Variants in GALNT13 observed in about 807,000 individuals in gnomAD.
The protein encoded by GALNT13 is polypeptide N-acetylgalactosaminyltransferase 13, also known as UDP-GalNAc:polypeptide N-acetylgalactosaminyltransferase 13.
In GALNT13, 28 loss-of-function variants were observed where a neutral mutation model predicts 64.2. The ratio of observed to expected loss-of-function variants is 0.44; its 90% CI spans 0.32 to 0.60. The LOEUF (loss-of-function observed/expected upper bound fraction) is 0.60, where lower values mean the gene tolerates loss of function less well. GALNT13 is among the 20% of genes least tolerant of loss of function. GALNT13 has a pLI of 0.05. For synonymous variants in GALNT13, 214 were observed against 224.6 expected (o/e 0.95, Z 0.42); for missense variants, 577 against 669.8 (o/e 0.86, Z 1.53).
intron 3 of GALNT13, among the ~76,000 whole-genome samples, chr2:154,079,104 G>T (rs1055376893): frequency 9.2e-5 from 14 of 151,618 alleles, no homozygotes; most frequent in African/African-American, 3.1e-4. Context: ...GCTGGGAATT[G>T]TTTGTTGGCA....
chr2:153,988,348 A>G (rs559758888), intron 3 of GALNT13, among the ~76,000 whole-genome samples: 3 of 152,008 alleles, frequency 2.0e-5, no homozygotes, highest in Admixed American at 6.6e-5. Flanking sequence ...CCCAGCCGCT[A>G]GTAACCACCA....
At chr2:153,356,034 C>T in the GALNT13 span, among the ~76,000 whole-genome samples, 1 of 152,020 alleles carries the variant, frequency 6.6e-6, no homozygotes, top group Non-Finnish European at 1.5e-5. Flanking sequence ...AAGTATTTCA[C>T]AGAATAAGGA....
At chr2:154,414,904 T>G (rs1245047336) in intron 11 of GALNT13, among the ~76,000 whole-genome samples, 1 of 151,972 alleles carries the variant, frequency 6.6e-6, no homozygotes, top group African/African-American at 2.4e-5. Context: ...GAAAAAACAT[T>G]TATATCATCA....
the GALNT13 span, among the ~76,000 whole-genome samples, chr2:153,147,246 T>C: frequency 0.034 from 5,140 of 151,912 alleles, 296 homozygotes; most frequent in African/African-American, 0.12. Context: ...TGGAGCCCTA[T>C]GTACAGGTAA....
At chr2:153,571,310 C>A in the GALNT13 span, among the ~76,000 whole-genome samples, 1 of 151,870 alleles carries the variant, frequency 6.6e-6, no homozygotes, top group Non-Finnish European at 1.5e-5. Context: ...GGTACAGTAT[C>A]CTGCAACTTT....
chr2:153,489,657 G>C, the GALNT13 span, among the ~76,000 whole-genome samples: 1 of 152,186 alleles, frequency 6.6e-6, no homozygotes, highest in South Asian at 2.1e-4. Flanking sequence ...ATTAATACAA[G>C]ATAGGGCAAA....
At chr2:153,783,946 A>T in the GALNT13 span, among the ~76,000 whole-genome samples, 1 of 152,194 alleles carries the variant, frequency 6.6e-6, no homozygotes, top group South Asian at 2.1e-4. Flanking sequence ...CAGCATGAGA[A>T]GTGACTCATA....
At chr2:154,390,047 T>G (rs1371780712) in intron 9 of GALNT13, among the ~76,000 whole-genome samples, 2 of 152,076 alleles carry the variant, frequency 1.3e-5, no homozygotes, top group Non-Finnish European at 2.9e-5. Flanking sequence ...TTCTCAAGTT[T>G]TAAGACTGAG....
At chr2:153,752,481 A>T in the GALNT13 span, among the ~76,000 whole-genome samples, 2 of 152,010 alleles carry the variant, frequency 1.3e-5, no homozygotes, top group African/African-American at 4.8e-5. Flanking sequence ...TTTCTCCTTC[A>T]TGTTTTAAAA....
chr2:154,191,053 A>G (rs1686550007), intron 4 of GALNT13, among the ~76,000 whole-genome samples: 1 of 152,172 alleles, frequency 6.6e-6, no homozygotes, highest in African/African-American at 2.4e-5. Flanking sequence ...CATCCTTAAC[A>G]TCGTAAAATA....
At position 154,242,916 on chromosome 2, in the gene GALNT13, A is replaced by T; in HGVS notation, c.686+11A>T. ...AATAAAGGAAGACAGGTAAGAATTT[A>T]TGTGTTCTGTCTGCCTGGGTTATGA... On this transcript the variant is annotated intron_variant, in intron 6 of 12. Coordinates refer to ENST00000392825, the MANE Select transcript of GALNT13 (RefSeq NM_052917.4). The T allele has an allele frequency of 2.5e-6, 4 of 1,609,498 alleles. No homozygotes were observed. The highest frequency in any genetic ancestry group is 2.2e-5 in the East Asian group (1 of 44,816).
At chr2:153,137,598 A>T in the GALNT13 span, among the ~76,000 whole-genome samples, 55 of 152,134 alleles carry the variant, frequency 3.6e-4, no homozygotes, top group African/African-American at 1.3e-3. Context: ...TACCTGGATA[A>T]ATTATTTTTC....
intron 3 of GALNT13, among the ~76,000 whole-genome samples, chr2:154,001,627 C>T (rs1695916103): frequency 6.6e-6 from 1 of 151,908 alleles, no homozygotes; most frequent in Non-Finnish European, 1.5e-5. Flanking sequence ...TTATATATCT[C>T]TTAAACAATT....
intron 8 of GALNT13, among the ~76,000 whole-genome samples, chr2:154,272,777 A>T (rs376100362): frequency 6.6e-6 from 1 of 152,164 alleles, no homozygotes; most frequent in Non-Finnish European, 1.5e-5. Context: ...AGAAATGTTT[A>T]ACTTTCTTTT....
chr2:153,724,354 A>G, the GALNT13 span, among the ~76,000 whole-genome samples: 1 of 128,504 alleles, frequency 7.8e-6, no homozygotes. Context: ...TAAAAACCCT[A>G]GAAGAAAACC....
At chr2:154,059,124 A>C (rs115488917) in intron 3 of GALNT13, among the ~76,000 whole-genome samples, 1,735 of 152,332 alleles carry the variant, frequency 0.011, 26 homozygotes, top group African/African-American at 0.04. Context: ...AGGATTTGGA[A>C]CCTAAGCAAC....
At chr2:153,679,517 G>A in the GALNT13 span, among the ~76,000 whole-genome samples, 4 of 151,944 alleles carry the variant, frequency 2.6e-5, no homozygotes, top group South Asian at 4.1e-4. Context: ...TGCATAGTAC[G>A]TGTGTTTCAT....
At chr2:154,263,275 C>T (rs1207960649) in intron 8 of GALNT13, among the ~76,000 whole-genome samples, 1 of 152,100 alleles carries the variant, frequency 6.6e-6, no homozygotes, top group African/African-American at 2.4e-5. Flanking sequence ...TTAGTGTGTC[C>T]ATCTCTAAAA....
chr2:154,428,505 A>G (rs184003049), intron 11 of GALNT13, among the ~76,000 whole-genome samples: 23 of 152,360 alleles, frequency 1.5e-4, no homozygotes, highest in South Asian at 1.0e-3. Context: ...TTTGTAAACT[A>G]TACCTTAATA....
Sources: gnomAD v4.1 joint callset for allele counts (sites outside exome capture counted in the v4.1 genomes callset) on GRCh38, gnomAD v4.1.1 for gene constraint, MANE v1.5 for transcripts, NCBI Gene and HGNC (gene_info 2026-07-23, HGNC 2026-07-21) for gene names.